TOP1MT: variants seen among roughly 807,000 people sequenced by gnomAD.
TOP1MT encodes DNA topoisomerase I mitochondrial.
In TOP1MT, 80 loss-of-function variants were observed where a neutral mutation model predicts 73.9. That is an observed-to-expected ratio of 1.08 (90% confidence interval 0.90 to 1.30). The LOEUF is 1.30. TOP1MT is among the 50% of genes most tolerant of loss of function. The probability of loss-of-function intolerance (pLI) is 0.00; values close to 1 mark genes in which losing one functional copy is unlikely to be tolerated. For synonymous variants in TOP1MT, 338 were observed against 326.4 expected (o/e 1.04, Z -0.38); for missense variants, 815 against 808.0 (o/e 1.01, Z -0.10).
chr8:143,359,326 C>T, upstream of TOP1MT: 1 of 985,338 alleles, frequency 1.0e-6, no homozygotes, highest in Non-Finnish European at 1.2e-6. Flanking sequence ...GGTCACCACG[C>T]CAGGAGAAGA....
chr8:143,333,308 C>T lies in TOP1MT; in HGVS notation c.122+1432G>A, dbSNP rs180977353. ...ACTAAAAATACAAAAATTAGCTAGG[C>T]GTGGTGGCGGGTGCCTGTAATCCCA... On this transcript the variant is annotated intron_variant, in intron 1 of 13. Transcript: ENST00000329245. Among the ~76,000 whole-genome samples the T allele has an allele frequency of 2.9e-3, 441 of 152,166 alleles. 2 individuals carry two copies. The highest frequency in any genetic ancestry group is 0.01 in the African/African-American group (420 of 41,522).
intron 7 of TOP1MT, among the ~76,000 whole-genome samples, chr8:143,321,899 G>A (rs1166589783): frequency 1.2e-4 from 9 of 76,206 alleles, no homozygotes; most frequent in African/African-American, 2.9e-4. Flanking sequence ...ACACAGGCAC[G>A]CCACACACAC....
chr8:143,351,531 G>C (rs1817320384), intron 1 of TOP1MT, among the ~76,000 whole-genome samples: 1 of 149,994 alleles, frequency 6.7e-6, no homozygotes. Context: ...GGTGAGCCAA[G>C]ATCATGCCAC....
intron 1 of TOP1MT, among the ~76,000 whole-genome samples, chr8:143,351,588 A>AAG (rs1250509118): frequency 6.6e-6 from 1 of 151,922 alleles, no homozygotes; most frequent in African/African-American, 2.4e-5. Context: ...TCAAAAAAAA[A>AAG]AAAAGAAAAA....
At chr8:143,323,836 C>T (rs1004978693) in intron 7 of TOP1MT, among the ~76,000 whole-genome samples, 163 bp downstream of exon 7, 8 of 152,216 alleles carry the variant, frequency 5.3e-5, no homozygotes, top group East Asian at 1.9e-4. Context: ...ACCCTACACA[C>T]ATGTTCACAC....
rs370724693 is a variant in TOP1MT, at chr8:143,324,583, C to A, written c.718G>T (p.Val240Leu). The change falls in exon 6 of 14, where the codon GTG (valine) becomes TTG (leucine). Residue 240 changes from valine to leucine, a missense_variant. Transcript: ENST00000329245. ...CACGTGACGGTGTTATCGGAGCGCACCTCCTTCCACTGGTGCCCCGCCGGC... is the reference window on the plus strand; with the variant it reads ...CACGTGACGGTGTTATCGGAGCGCAACTCCTTCCACTGGTGCCCCGCCGGC... ...EPPAGHQWKE[V>L]RSDNTVTWLA... 9.0e-5 allele frequency: 146 copies of A among 1,613,522 alleles called. 1 individual carries two copies. In the South Asian group the frequency reaches 9.9e-4, roughly 11 times the overall value.
rs73382137 is a variant in TOP1MT, at chr8:143,341,790, C to T, written c.29+1430G>A. Reference sequence around the variant, plus strand: ...AAGGGAAGGTCACAGAGCACTATCCCGACACCACTGCCCCATCTAGTGCTT... The same window carrying T: ...AAGGGAAGGTCACAGAGCACTATCCTGACACCACTGCCCCATCTAGTGCTT... On this transcript the variant is annotated intron_variant, in intron 2 of 5. Transcript: ENST00000518007. This position sits in a 1 kb window ranked among gnomAD's most constrained non-coding sequence, Gnocchi z 4.1. 0.034 allele frequency among the ~76,000 whole-genome samples: 5,111 copies of T among 152,226 alleles called. 276 individuals carry two copies. The highest frequency in any genetic ancestry group is 0.12 in the African/African-American group (4,834 of 41,516).
At chr8:143,337,277 C>A (rs568562756), upstream of TOP1MT, among the ~76,000 whole-genome samples, 85 of 152,180 alleles carry the variant, frequency 5.6e-4, no homozygotes, top group African/African-American at 2.0e-3. Context: ...TGATAGCAGG[C>A]GCCTGTAGTC....
rs1482429919 is a variant in TOP1MT, at chr8:143,317,759, T to C, written c.1294A>G (p.Ile432Val). 6.2e-7 allele frequency: 1 copy of C among 1,613,978 alleles called. No homozygotes were observed. The highest frequency in any genetic ancestry group is 8.5e-7 in the Non-Finnish European group (1 of 1,180,036). Residue 432 changes from isoleucine (I) to valine (V), a missense_variant, in exon 10 of 14, where the codon ATC becomes GTC. By Grantham distance (29) the Ile-to-Val change is conservative. Around this residue, in one of 3 missense-constraint regions of TOP1MT, gnomAD observed 751 missense variants for 725.4 expected, o/e 1.04. Coordinates refer to ENST00000329245, the MANE Select transcript of TOP1MT (RefSeq NM_052963.3). Reference protein sequence around the residue: ...AKVFRTYNASITLQEQLRALT... With the variant: ...AKVFRTYNASVTLQEQLRALT... ...GCCCGCAGCTGCTCCTGCAGAGTGA[T>C]GGAGGCGTTGTAGGTCCGGAACACC...
chr8:143,335,046 C>T, upstream of TOP1MT: 1 of 583,752 alleles, frequency 1.7e-6, no homozygotes, highest in Non-Finnish European at 2.3e-6. Flanking sequence ...CTGCCGGCCT[C>T]CCCCTGGTTT....
At chr8:143,337,987 A>G (rs1376706433), upstream of TOP1MT, among the ~76,000 whole-genome samples, 4 of 152,136 alleles carry the variant, frequency 2.6e-5, no homozygotes, top group South Asian at 6.2e-4. Context: ...GCCCTTTCAC[A>G]TGGACCCCTT....
chr8:143,330,752 G>A (rs1816830649), intron 2 of TOP1MT, among the ~76,000 whole-genome samples: 3 of 152,180 alleles, frequency 2.0e-5, no homozygotes, highest in African/African-American at 7.2e-5. Flanking sequence ...AGGGGTGTGT[G>A]GGCCCTGCTG....
upstream of TOP1MT, chr8:143,334,974 T>G (rs1377337638): frequency 3.1e-5 from 34 of 1,111,826 alleles, no homozygotes; most frequent in East Asian, 1.3e-3. Context: ...CCAGCGGCGC[T>G]CATCCCAAGG....
chr8:143,314,353 T>A (rs1008134561), intron 12 of TOP1MT, among the ~76,000 whole-genome samples: 1 of 152,088 alleles, frequency 6.6e-6, no homozygotes, highest in Non-Finnish European at 1.5e-5. Flanking sequence ...ATCCCAGCAC[T>A]TTGAGATGCC....
chr8:143,339,503 C>T (rs1332798897), upstream of TOP1MT, among the ~76,000 whole-genome samples: 1 of 152,190 alleles, frequency 6.6e-6, no homozygotes, highest in Non-Finnish European at 1.5e-5. Flanking sequence ...GTACCTACTT[C>T]ATAGAGGACT....
chr8:143,346,956 T>TATTTATTTA (rs1457494608), upstream of TOP1MT, among the ~76,000 whole-genome samples: 5 of 115,196 alleles, frequency 4.3e-5, no homozygotes, highest in Admixed American at 2.5e-4. Flanking sequence ...CTCACTTCTT[T>TATTTATTTA]ATTTATTTAT....
chr8:143,320,483 T>C (rs1816300572), intron 8 of TOP1MT, among the ~76,000 whole-genome samples: 1 of 152,080 alleles, frequency 6.6e-6, no homozygotes, highest in African/African-American at 2.4e-5. Context: ...GCCCAAGTGG[T>C]CTCAAACTCC....
chr8:143,355,412 TC>T (rs1346398038), intron 1 of TOP1MT: 1 of 152,224 alleles, frequency 6.6e-6, no homozygotes, highest in East Asian at 1.9e-4. Context: ...TAACCGTTTT[TC>T]CATCGGGCTC....
chr8:143,326,025 G>A (rs530372031), intron 4 of TOP1MT, among the ~76,000 whole-genome samples, 197 bp downstream of exon 4: 13 of 152,304 alleles, frequency 8.5e-5, no homozygotes, highest in African/African-American at 2.9e-4. Context: ...ATTTCAAACC[G>A]GGTTTACTCT....
Sources: allele counts gnomAD v4.1 joint callset (sites outside exome capture counted in the v4.1 genomes callset), GRCh38; gene constraint gnomAD v4.1.1; regional missense constraint gnomAD v4.1.1; non-coding constraint Gnocchi (gnomAD v3.1); transcripts MANE v1.5; gene names NCBI Gene and HGNC (gene_info 2026-07-23, HGNC 2026-07-21).